EFCAB5: variants seen among roughly 807,000 people sequenced by gnomAD.
EFCAB5 encodes EF-hand calcium-binding domain-containing protein 5.
In EFCAB5, 131 loss-of-function variants were observed where a neutral mutation model predicts 167.9. The observed-to-expected ratio is 0.78, with a 90% CI of 0.68 to 0.90. The LOEUF (loss-of-function observed/expected upper bound fraction) is 0.90, where lower values mean the gene tolerates loss of function less well. Among genes scored for constraint, EFCAB5 ranks in the 40% least tolerant of loss-of-function variants. EFCAB5 has a pLI of 0.00. For missense variants in EFCAB5, 1,663 were observed against 1,745.2 expected (o/e 0.95, Z 0.84); for synonymous variants, 574 against 602.8 (o/e 0.95, Z 0.70).
chr17:30,102,571 T>C (rs1305977567), intron 22 of EFCAB5, among the ~76,000 whole-genome samples: 1 of 152,098 alleles, frequency 6.6e-6, no homozygotes, highest in Non-Finnish European at 1.5e-5. Flanking sequence ...TTCTTCTTTC[T>C]TTTCCTTTAC....
intron 7 of EFCAB5, among the ~76,000 whole-genome samples, chr17:30,027,533 T>C (rs559778156): frequency 6.6e-6 from 1 of 152,056 alleles, no homozygotes; most frequent in East Asian, 1.9e-4. Context: ...TATAGACAGT[T>C]TGTTATGTAA....
chr17:30,080,342 G>C, intron 16 of EFCAB5, 101 bp downstream of exon 16: 1 of 1,289,794 alleles, frequency 7.8e-7, no homozygotes, highest in Non-Finnish European at 1.0e-6. Context: ...CAAAAGAGAG[G>C]TGCCTCAAGT....
chr17:29,931,246 A>G (rs994777292), intron 1 of EFCAB5, among the ~76,000 whole-genome samples: 9 of 152,114 alleles, frequency 5.9e-5, no homozygotes, highest in Admixed American at 5.2e-4. Context: ...AAACACACAC[A>G]CTTGGGAGTT....
chr17:29,944,996 C>T (rs889516742), intron 3 of EFCAB5, among the ~76,000 whole-genome samples: 23 of 152,062 alleles, frequency 1.5e-4, no homozygotes, highest in African/African-American at 5.3e-4. Flanking sequence ...TGACTCCTAG[C>T]CCCATCCTTA....
At chr17:30,021,683 G>A (rs1440807806) in intron 7 of EFCAB5, among the ~76,000 whole-genome samples, 3 of 151,920 alleles carry the variant, frequency 2.0e-5, no homozygotes, top group African/African-American at 7.2e-5. Context: ...AAACAAGAAA[G>A]TATTTCTTAC....
chr17:30,085,666 G>A (rs1020399050), intron 18 of EFCAB5, among the ~76,000 whole-genome samples: 1 of 150,334 alleles, frequency 6.7e-6, no homozygotes, highest in Non-Finnish European at 1.5e-5. Flanking sequence ...CTTGCACTGA[G>A]CCGAGATCAC....
intron 4 of EFCAB5, among the ~76,000 whole-genome samples, chr17:29,992,443 G>A (rs1447105183): frequency 6.6e-6 from 1 of 152,190 alleles, no homozygotes; most frequent in Non-Finnish European, 1.5e-5. Flanking sequence ...CACCTCCTGG[G>A]TTCACACCAT....
intron 8 of EFCAB5, among the ~76,000 whole-genome samples, chr17:30,050,362 C>T (rs1317843089): frequency 6.6e-6 from 1 of 152,022 alleles, no homozygotes; most frequent in East Asian, 1.9e-4. Flanking sequence ...CTCGAACTCC[C>T]GACCTTAGGT....
intron 14 of EFCAB5, among the ~76,000 whole-genome samples, chr17:30,060,101 G>C (rs989764639): frequency 6.6e-6 from 1 of 152,130 alleles, no homozygotes; most frequent in Non-Finnish European, 1.5e-5. Context: ...AGAATGCTTT[G>C]TCCAAAATCT....
At chr17:30,099,929 C>T (rs1016623623) in intron 22 of EFCAB5, among the ~76,000 whole-genome samples, 1 of 152,050 alleles carries the variant, frequency 6.6e-6, no homozygotes, top group Non-Finnish European at 1.5e-5. Flanking sequence ...TGGCCCTGCC[C>T]TCTTTTTTCT....
intron 4 of EFCAB5, among the ~76,000 whole-genome samples, chr17:29,983,602 T>C (rs1158080059): frequency 1.3e-5 from 2 of 152,212 alleles, no homozygotes; most frequent in African/African-American, 4.8e-5. Flanking sequence ...ACACTTAGAA[T>C]GAATCTGCTT....
At chr17:30,076,323 G>A (rs2070867570) in intron 14 of EFCAB5, among the ~76,000 whole-genome samples, 1 of 152,232 alleles carries the variant, frequency 6.6e-6, no homozygotes, top group Admixed American at 6.5e-5. Context: ...TAAAGGAATA[G>A]AATGTCATGA....
chr17:30,073,074 T>TTTA, intron 14 of EFCAB5: 1 of 641,728 alleles, frequency 1.6e-6, no homozygotes, highest in Admixed American at 2.6e-5. Flanking sequence ...TTTTTTTTTT[T>TTTA]GAGACCAGGT....
intron 3 of EFCAB5, among the ~76,000 whole-genome samples, chr17:29,951,601 C>T (rs571359041): frequency 2.2e-4 from 34 of 151,966 alleles, no homozygotes; most frequent in South Asian, 1.9e-3. Context: ...GTGATCTGCC[C>T]GCCTTGGCCT....
intron 19 of EFCAB5, among the ~76,000 whole-genome samples, chr17:30,088,917 C>T (rs1029243219): frequency 6.6e-6 from 1 of 152,210 alleles, no homozygotes; most frequent in South Asian, 2.1e-4. Flanking sequence ...TACCCAGACT[C>T]ATAGCCCTGG....
At chr17:30,007,489 A>G (rs1416836582) in intron 7 of EFCAB5, among the ~76,000 whole-genome samples, 1 of 152,194 alleles carries the variant, frequency 6.6e-6, no homozygotes, top group Non-Finnish European at 1.5e-5. Context: ...AAATTACACA[A>G]ACTATTATTA....
At chr17:30,008,182 T>G (rs1354044777) in intron 7 of EFCAB5, among the ~76,000 whole-genome samples, 1 of 152,008 alleles carries the variant, frequency 6.6e-6, no homozygotes, top group Non-Finnish European at 1.5e-5. Flanking sequence ...ATAAGAAAAT[T>G]GTTAAAGGAA....
At chr17:29,964,045 C>T (rs1169922516) in intron 3 of EFCAB5, among the ~76,000 whole-genome samples, 1 of 151,074 alleles carries the variant, frequency 6.6e-6, no homozygotes, top group African/African-American at 2.4e-5. Flanking sequence ...CAGATGCTGG[C>T]ACTGTTTCAC....
intron 7 of EFCAB5, among the ~76,000 whole-genome samples, chr17:30,006,113 C>A (rs2068768863): frequency 6.6e-6 from 1 of 152,212 alleles, no homozygotes; most frequent in African/African-American, 2.4e-5. Flanking sequence ...TGTAATCCGA[C>A]TGCCTTAGGA....
Sources: allele counts gnomAD v4.1 joint callset (sites outside exome capture counted in the v4.1 genomes callset), GRCh38; gene constraint gnomAD v4.1.1; transcripts MANE v1.5; gene names NCBI Gene and HGNC (gene_info 2026-07-23, HGNC 2026-07-21).